The following SACS variants were observed in gnomAD, a reference collection of about 807,000 sequenced individuals.
SACS encodes sacsin.
Under a neutral mutation model 348.0 loss-of-function variants are expected in SACS, and 197 were observed. The ratio of observed to expected loss-of-function variants is 0.57; its 90% CI spans 0.50 to 0.64. The LOEUF (loss-of-function observed/expected upper bound fraction) is 0.64, where lower values mean the gene tolerates loss of function less well. Among genes scored for constraint, SACS ranks in the 30% least tolerant of loss-of-function variants. SACS has a pLI of 0.00. For synonymous variants in SACS, 1,985 were observed against 1,910.6 expected, an observed-to-expected ratio of 1.04 and a Z score of -1.02; for missense variants, 4,999 against 5,360.8, an observed-to-expected ratio of 0.93 and a Z score of 2.11.
chr13:23,359,331 AATTT>A (rs1233155465), intron 6 of SACS, among the ~76,000 whole-genome samples: 2 of 152,210 alleles, frequency 1.3e-5, no homozygotes, highest in East Asian at 3.8e-4. Context: ...AAATATACAC[AATTT>A]ATTTTAAAAA....
chr13:23,341,715 A>G, intron 9 of SACS, 25 bp from the exon 10 acceptor site: 1 of 1,591,176 alleles, frequency 6.3e-7, no homozygotes, highest in Non-Finnish European at 8.6e-7. Flanking sequence ...CAGAAATGTC[A>G]TAAATACATA....
At chr13:23,353,702 G>A (rs1307666571) in intron 9 of SACS, 83 bp downstream of exon 9, 1 of 754,118 alleles carries the variant, frequency 1.3e-6, no homozygotes, top group Non-Finnish European at 2.2e-6. Context: ...TGATTTATAG[G>A]TCTAAAATGA....
intron 1 of SACS, among the ~76,000 whole-genome samples, chr13:23,429,134 T>TA (rs1255361573): frequency 2.0e-5 from 3 of 152,164 alleles, no homozygotes; most frequent in Admixed American, 6.5e-5. Context: ...AATGAAATTT[T>TA]AAAAATAGAT....
At chr13:23,426,386 A>T (rs1566114928) in intron 1 of SACS, among the ~76,000 whole-genome samples, 3 of 152,186 alleles carry the variant, frequency 2.0e-5, no homozygotes, top group African/African-American at 7.2e-5. Context: ...CACGCCTGTA[A>T]TCCCAGCACT....
At chr13:23,398,259 G>A (rs1190768347) in intron 2 of SACS, among the ~76,000 whole-genome samples, 1 of 151,608 alleles carries the variant, frequency 6.6e-6, no homozygotes, top group Non-Finnish European at 1.5e-5. Flanking sequence ...TTAGCTGGGT[G>A]TGGTGGCTCA....
In SACS at chr13:23,334,076, G is replaced by T. The variant is rs2137580740; in HGVS notation, c.9800C>A (p.Thr3267Lys). 3 of 1,613,738 alleles carry T rather than the reference G, an allele frequency of 1.9e-6. No homozygotes were observed. Among genetic ancestry groups the T allele is most frequent in the Non-Finnish European group, 2.5e-6 (3 of 1,179,752 alleles). ...TAGAGTATCAACAACAATGTCAAAT[G>T]TTGGTTTTGTTTCTTCCTGATCTTC... ...VKEDQEETKP[T>K]FDIVVDTLKD... The change falls in exon 10 of 10, where the codon ACA (threonine) becomes AAA (lysine). Residue 3267 changes from threonine (T) to lysine (K), a missense_variant. By Grantham distance (78) the Thr-to-Lys change is moderately conservative (BLOSUM62 -1). This residue lies in a region of SACS where 734 missense variants were observed against 694.0 expected (regional missense o/e 1.06). Coordinates refer to ENST00000382292, the MANE Select transcript of SACS (RefSeq NM_014363.6).
rs188762047 is a variant in SACS, at chr13:23,368,896, T to A, written c.260-409A>T. Among the ~76,000 whole-genome samples the A allele has an allele frequency of 5.9e-5, 9 of 152,184 alleles. No individual in the cohort carries two copies. In the South Asian group the frequency reaches 8.3e-4, roughly 14 times the overall value. On this transcript the variant is annotated intron_variant, in intron 4 of 9. Coordinates refer to ENST00000382292, the MANE Select transcript of SACS (RefSeq NM_014363.6). The stretch of plus-strand genomic sequence containing the variant: ...TTGTATTTTTAGTAGAGATGGGGTT[T>A]CACCATGTTAGCCAGGATGGTCTTG...
At chr13:23,375,453 G>A (rs1056645467) in intron 2 of SACS, 184 bp from the exon 3 acceptor site, 1 of 1,176,704 alleles carries the variant, frequency 8.5e-7, no homozygotes, top group African/African-American at 1.6e-5. Flanking sequence ...CGCGCGGGCC[G>A]GGAGGGCGGG....
At chr13:23,357,350 T>C (rs940203729) in intron 7 of SACS, among the ~76,000 whole-genome samples, 7 of 152,198 alleles carry the variant, frequency 4.6e-5, no homozygotes, top group Admixed American at 3.9e-4. Context: ...TAATTTAATT[T>C]TGATTATATG....
chr13:23,431,991 G>T (rs1332659046), intron 1 of SACS, among the ~76,000 whole-genome samples: 1 of 152,164 alleles, frequency 6.6e-6, no homozygotes. Context: ...CCTGCTAGGC[G>T]CCTTCATACA....
At chr13:23,347,054 A>G (rs558951318) in intron 9 of SACS, among the ~76,000 whole-genome samples, 35 of 152,354 alleles carry the variant, frequency 2.3e-4, no homozygotes, top group Non-Finnish European at 4.6e-4. Flanking sequence ...GAAGTACGTA[A>G]GAGTCAGGAG....
chr13:23,420,000 T>C (rs1014045493), intron 1 of SACS, among the ~76,000 whole-genome samples: 2 of 151,322 alleles, frequency 1.3e-5, no homozygotes, highest in Non-Finnish European at 3.0e-5. Context: ...GAGCCTGATG[T>C]TCCCCAGGGA....
intron 1 of SACS, among the ~76,000 whole-genome samples, chr13:23,415,872 CTT>C (rs980389290): frequency 3.3e-5 from 5 of 152,080 alleles, no homozygotes; most frequent in African/African-American, 9.7e-5. Context: ...TTAACCTGCT[CTT>C]TGTTATTAAA....
chr13:23,345,591 G>A (rs558451053), intron 9 of SACS, among the ~76,000 whole-genome samples: 1 of 152,290 alleles, frequency 6.6e-6, no homozygotes, highest in Admixed American at 6.5e-5. Context: ...TCAAGATTTT[G>A]TTTTCCTCTT....
intron 2 of SACS, among the ~76,000 whole-genome samples, chr13:23,400,926 T>G (rs1872948891): frequency 6.6e-6 from 1 of 152,112 alleles, no homozygotes; most frequent in South Asian, 2.1e-4. Context: ...ACCTTGTAAA[T>G]AGAGTGGTGT....
At chr13:23,418,088 A>T (rs1341706018) in intron 1 of SACS, among the ~76,000 whole-genome samples, 3 of 151,414 alleles carry the variant, frequency 2.0e-5, no homozygotes, top group African/African-American at 7.3e-5. Context: ...AATTCAAGTT[A>T]CATTAAAATT....
intron 2 of SACS, among the ~76,000 whole-genome samples, chr13:23,395,812 C>T (rs186870805): frequency 0.012 from 1,822 of 152,248 alleles, 47 homozygotes; most frequent in Non-Finnish European, 0.011. Context: ...TTATACAAAC[C>T]TGTGAAATTT....
Position 23,339,295 on chromosome 13 carries a change from A to T in SACS, c.4581T>A (p.Asn1527Lys). The T allele has an allele frequency of 6.2e-7, 1 of 1,608,096 alleles. No individual in the cohort carries two copies. The highest frequency in any genetic ancestry group is 1.1e-5 in the South Asian group (1 of 89,732). The change falls in exon 10 of 10, where the codon AAT becomes AAA. Residue 1527 changes from asparagine to lysine, a missense_variant. Transcript: ENST00000382292. ...CHGPALWSFN[N>K]SQFSDSDFVN... ...CAAAATCTGAATCTGAGAATTGAGA[A>T]TTGTTGAATGACCACAAAGCAGGTC...
At chr13:23,376,613 C>A (rs891610997) in intron 2 of SACS, among the ~76,000 whole-genome samples, 1 of 152,190 alleles carries the variant, frequency 6.6e-6, no homozygotes, top group African/African-American at 2.4e-5. Flanking sequence ...GCTGTTCCAT[C>A]TCTCTTACCA....
Sources: allele counts gnomAD v4.1 joint callset (sites outside exome capture counted in the v4.1 genomes callset), GRCh38; gene constraint gnomAD v4.1.1; regional missense constraint gnomAD v4.1.1; transcripts MANE v1.5; gene names NCBI Gene and HGNC (gene_info 2026-07-23, HGNC 2026-07-21).